PDE8B: variants seen among roughly 807,000 people sequenced by gnomAD.
PDE8B encodes the protein phosphodiesterase 8B.
A neutral mutation model predicts 101.3 loss-of-function variants in PDE8B; 26 were observed. That is an observed-to-expected ratio of 0.26 (90% confidence interval 0.19 to 0.36). PDE8B has a LOEUF of 0.36. PDE8B is among the 10% of genes least tolerant of loss of function. PDE8B has a pLI of 1.00. For missense variants in PDE8B, 810 were observed against 1,163.1 expected (o/e 0.70, Z 4.42); for synonymous variants, 424 against 429.3 (o/e 0.99, Z 0.15).
chr5:77,270,860 G>A (rs182617028), intron 1 of PDE8B, among the ~76,000 whole-genome samples: 7 of 152,174 alleles, frequency 4.6e-5, no homozygotes, highest in East Asian at 1.9e-4. Context: ...CTTACCAGCC[G>A]GGTGGGAGTT....
At chr5:77,411,399 G>A (rs922868250) in intron 14 of PDE8B, among the ~76,000 whole-genome samples, 1 of 152,124 alleles carries the variant, frequency 6.6e-6, no homozygotes, top group Non-Finnish European at 1.5e-5. Context: ...AGAGGAAGAT[G>A]GCCTCAGAAC....
At chr5:77,097,741 A>ATATATCTATATATATATATTTAT in the PDE8B span, among the ~76,000 whole-genome samples, 1 of 106,092 alleles carries the variant, frequency 9.4e-6, no homozygotes, top group African/African-American at 3.0e-5. Flanking sequence ...ATACATACAT[A>ATATATCTATATATATATATTTAT]TGACCAGCTA....
At chr5:77,196,176 A>T in the PDE8B span, among the ~76,000 whole-genome samples, 368 of 152,220 alleles carry the variant, frequency 2.4e-3, no homozygotes, top group Non-Finnish European at 4.4e-3. Context: ...TAGATACTTG[A>T]CCCATACCGA....
chr5:77,103,996 C>G, the PDE8B span, among the ~76,000 whole-genome samples: 1 of 152,198 alleles, frequency 6.6e-6, no homozygotes, highest in African/African-American at 2.4e-5. Flanking sequence ...TAAAGCAAGA[C>G]AAGTGTCTTC....
At chr5:77,224,699 C>A (rs947445126) in intron 1 of PDE8B, among the ~76,000 whole-genome samples, 1 of 152,126 alleles carries the variant, frequency 6.6e-6, no homozygotes, top group African/African-American at 2.4e-5. Context: ...TTTTTTTAAT[C>A]ATCTTTCAAA....
chr5:77,169,321 G>A, the PDE8B span, among the ~76,000 whole-genome samples: 1 of 152,198 alleles, frequency 6.6e-6, no homozygotes, highest in Non-Finnish European at 1.5e-5. Flanking sequence ...TAGAGCTACA[G>A]TTCACATAAA....
chr5:77,424,848 C>G (rs985982435), intron 20 of PDE8B, among the ~76,000 whole-genome samples: 4 of 146,732 alleles, frequency 2.7e-5, no homozygotes, highest in African/African-American at 7.5e-5. Context: ...TAATGTGAGA[C>G]AAGATCTCAC....
intron 11 of PDE8B, among the ~76,000 whole-genome samples, chr5:77,404,091 G>A (rs554407585): frequency 5.9e-5 from 9 of 152,298 alleles, no homozygotes; most frequent in African/African-American, 2.2e-4. Flanking sequence ...GGGTTCAAGC[G>A]AGTCTCCTGC....
chr5:77,226,350 A>G (rs751841548), intron 1 of PDE8B, among the ~76,000 whole-genome samples: 32 of 152,132 alleles, frequency 2.1e-4, no homozygotes, highest in Admixed American at 1.5e-3. Flanking sequence ...ACTTTTCTGC[A>G]TTTTCCTTTT....
chr5:77,101,670 G>A, the PDE8B span, among the ~76,000 whole-genome samples: 14 of 152,130 alleles, frequency 9.2e-5, no homozygotes, highest in Middle Eastern at 3.4e-3. Flanking sequence ...GAATGATCTC[G>A]GTGGCAGGAA....
chr5:77,199,102 C>T, the PDE8B span, among the ~76,000 whole-genome samples: 1 of 152,154 alleles, frequency 6.6e-6, no homozygotes, highest in Non-Finnish European at 1.5e-5. Flanking sequence ...GTTCTAAGAA[C>T]AGCCACTCAA....
chr5:77,220,282 C>A (rs1209394329), intron 1 of PDE8B, among the ~76,000 whole-genome samples: 1 of 152,146 alleles, frequency 6.6e-6, no homozygotes, highest in Non-Finnish European at 1.5e-5. Flanking sequence ...GACTGTGGAG[C>A]CTTCATCCCT....
intron 20 of PDE8B, among the ~76,000 whole-genome samples, chr5:77,423,635 T>TAG (rs1554104297): frequency 1.9e-5 from 1 of 51,504 alleles, no homozygotes; most frequent in African/African-American, 9.7e-5. Flanking sequence ...TTGTTTAGTT[T>TAG]TTTTTTTTTT....
chr5:77,425,734 C>T (rs754391942), intron 20 of PDE8B, 33 bp from the exon 21 acceptor site: 5 of 1,610,470 alleles, frequency 3.1e-6, no homozygotes, highest in Non-Finnish European at 8.5e-7. Flanking sequence ...TCTCGCATGT[C>T]CTCCAGCCCT....
At chr5:77,425,059 G>A (rs1019212249) in intron 20 of PDE8B, among the ~76,000 whole-genome samples, 6 of 152,178 alleles carry the variant, frequency 3.9e-5, no homozygotes, top group Admixed American at 2.6e-4. Context: ...ATACAGTTTG[G>A]TGCTAGTTCA....
intron 6 of PDE8B, among the ~76,000 whole-genome samples, chr5:77,339,332 C>T (rs958444711): frequency 1.3e-5 from 2 of 152,098 alleles, no homozygotes; most frequent in African/African-American, 4.8e-5. Flanking sequence ...AGGTAGTGGC[C>T]CCAGGAAAGA....
chr5:77,101,976 C>T, the PDE8B span, among the ~76,000 whole-genome samples: 3 of 152,134 alleles, frequency 2.0e-5, no homozygotes, highest in Non-Finnish European at 2.9e-5. Flanking sequence ...TATGAACGTA[C>T]TTAATGCCAC....
chr5:77,244,786 A>G (rs1336425278), intron 1 of PDE8B, among the ~76,000 whole-genome samples: 1 of 152,072 alleles, frequency 6.6e-6, no homozygotes, highest in Admixed American at 6.5e-5. Context: ...TTAAGTAGGT[A>G]AACTAGGATT....
chr5:77,420,080 T>C (rs539751304), intron 19 of PDE8B, among the ~76,000 whole-genome samples, 193 bp downstream of exon 19: 53 of 152,238 alleles, frequency 3.5e-4, no homozygotes, highest in Non-Finnish European at 6.5e-4. Context: ...AACTCTGAGC[T>C]CCTTGAAAGA....
Sources: allele counts gnomAD v4.1 joint callset (sites outside exome capture counted in the v4.1 genomes callset), GRCh38; gene constraint gnomAD v4.1.1; transcripts MANE v1.5; gene names NCBI Gene and HGNC (gene_info 2026-07-23, HGNC 2026-07-21).